Variants in NID2 observed in about 807,000 individuals in gnomAD.
NID2 encodes the protein nidogen 2.
NID2 carries 83 observed loss-of-function variants against 145.4 expected under a neutral mutation model. That is an observed-to-expected ratio of 0.57 (90% CI 0.48 to 0.69). The LOEUF is 0.69. Among genes scored for constraint, NID2 ranks in the 30% least tolerant of loss-of-function variants. The pLI is 0.00. For synonymous variants in NID2, 739 were observed against 701.3 expected (o/e 1.05, Z -0.85); for missense variants, 1,807 against 1,765.7 (o/e 1.02, Z -0.42).
In NID2 at chr14:52,068,778, T is replaced by C; in HGVS notation, c.217A>G (p.Ser73Gly). ...GGGGCTGAACTTACGTAGAGGTTGC[T>C]GAATCGGGCTTCGTAGAAGTGCAGG... The part of the protein sequence containing the change: ...NPLHFYEARF[S>G]NLYVGTNGII... Residue 73 changes from serine (S) to glycine (G), a missense_variant, in exon 1 of 22, where the codon AGC becomes GGC. By Grantham distance (56) the Ser-to-Gly change is moderately conservative. Transcript: ENST00000216286. 1 of 1,604,020 alleles carries C rather than the reference T, an allele frequency of 6.2e-7. No homozygotes were observed. Among genetic ancestry groups the C allele is most frequent in the Non-Finnish European group, 8.5e-7 (1 of 1,179,232 alleles).
intron 12 of NID2, among the ~76,000 whole-genome samples, chr14:52,025,112 A>C (rs1184041491): frequency 1.3e-5 from 2 of 152,198 alleles, no homozygotes; most frequent in Non-Finnish European, 1.5e-5. Flanking sequence ...TTCTCAGTGG[A>C]TTCACATTTC....
At chr14:52,054,374 A>T in intron 3 of NID2, 53 bp from the exon 4 acceptor site, 1 of 1,535,414 alleles carries the variant, frequency 6.5e-7, no homozygotes, top group Non-Finnish European at 8.8e-7. Context: ...GTGTCCATTC[A>T]CCCACCTTCC....
In NID2 at chr14:52,053,694, A is replaced by G. The variant is rs1892752123; in HGVS notation, c.1314T>C (p.Ala438=). The G allele has an allele frequency of 1.2e-6, 2 of 1,614,234 alleles. No individual in the cohort carries two copies. The highest frequency in any genetic ancestry group is 1.7e-6 in the Non-Finnish European group (2 of 1,180,038). The change falls in exon 5 of 22, where the codon GCT becomes GCC. Residue 438 remains alanine (A), a synonymous_variant. Transcript: ENST00000216286. The part of the protein sequence containing the change: ...PVPSEMDVPP[A]HPEEEIVLRS... Reference sequence around the variant, plus strand: ...GAAGAACAATTTCTTCTTCAGGATGAGCTGGGGGAACATCCATTTCCGAAG... The same window carrying G: ...GAAGAACAATTTCTTCTTCAGGATGGGCTGGGGGAACATCCATTTCCGAAG...
At chr14:52,046,022 G>A (rs1331531084) in intron 5 of NID2, among the ~76,000 whole-genome samples, 1 of 152,122 alleles carries the variant, frequency 6.6e-6, no homozygotes, top group Non-Finnish European at 1.5e-5. Flanking sequence ...ATCTGCTATA[G>A]GTCTAAAGAA....
chr14:52,020,339 G>T (rs560638460), intron 12 of NID2, 161 bp from the exon 13 acceptor site: 9 of 1,207,624 alleles, frequency 7.5e-6, no homozygotes, highest in Non-Finnish European at 1.0e-5. Context: ...ACACCTAAAG[G>T]TAAGCTTAAT....
chr14:52,042,151 G>C lies in NID2; in HGVS notation c.1779C>G (p.Leu593=), dbSNP rs374755349. The part of the protein sequence containing the change: ...LTPIGGLFGW[L]FALEKPGSEN... ...CAGAGCCAGGTTTTTCTAAAGCAAA[G>C]AGCCAGCCAAACAGGCCTCCAATTG... Residue 593 remains leucine, a synonymous_variant, in exon 7 of 22, where the codon CTC becomes CTG. Coordinates refer to ENST00000216286, the MANE Select transcript of NID2 (RefSeq NM_007361.4). 5.3e-5 allele frequency: 85 copies of C among 1,611,554 alleles called. No homozygotes were observed. Among genetic ancestry groups the C allele is most frequent in the East Asian group, 1.8e-4 (8 of 44,828 alleles).
intron 18 of NID2, chr14:52,009,517 A>G (rs1312759486): frequency 6.6e-6 from 1 of 152,228 alleles, no homozygotes; most frequent in East Asian, 1.9e-4. Context: ...TTTATTAAAA[A>G]TTCAAGTCCT....
intron 9 of NID2, 57 bp from the exon 10 acceptor site, chr14:52,029,747 CGG>C: frequency 7.3e-6 from 11 of 1,515,332 alleles, no homozygotes; most frequent in Non-Finnish European, 8.2e-6. Context: ...GCAAATGTCA[CGG>C]AGATAGAGGA....
chr14:52,020,397 C>G, intron 12 of NID2: 1 of 566,020 alleles, frequency 1.8e-6, no homozygotes, highest in Non-Finnish European at 2.9e-6. Flanking sequence ...ACACACTAGA[C>G]TAAACGTGTT....
intron 12 of NID2, among the ~76,000 whole-genome samples, chr14:52,024,657 A>G (rs1427139538): frequency 6.6e-6 from 1 of 152,194 alleles, no homozygotes; most frequent in Non-Finnish European, 1.5e-5. Flanking sequence ...GCAATAGATA[A>G]CCAATACACT....
At chr14:52,027,726 C>CTTT (rs59253416) in intron 11 of NID2, among the ~76,000 whole-genome samples, 3 of 136,438 alleles carry the variant, frequency 2.2e-5, no homozygotes, top group South Asian at 4.7e-4. Context: ...CATTTTCTTT[C>CTTT]TTTTTTTTTT....
intron 16 of NID2, among the ~76,000 whole-genome samples, chr14:52,013,119 AC>A (rs936400390): frequency 2.0e-5 from 3 of 152,154 alleles, no homozygotes; most frequent in African/African-American, 7.2e-5. Flanking sequence ...GGATTCATAA[AC>A]CCATGTCATA....
chr14:52,028,538 A>C lies in NID2; in HGVS notation c.2530+184T>G, dbSNP rs902808070. The C allele has an allele frequency of 5.5e-6, 3 of 550,114 alleles. No homozygotes were observed. The African/African-American group carries it at 5.9e-5, about 11-fold the overall frequency. The allele number at this position is 550,114 out of a possible 1,614,324, so 34.1% of individuals were successfully genotyped here. On this transcript the variant is annotated intron_variant, in intron 11 of 21. Transcript: ENST00000216286. ...CGATCCACCTGCCTCAGCCTTCCAAAGCGATGATTACAGGCGTGAGCCACC... is the reference window on the plus strand; with the variant it reads ...CGATCCACCTGCCTCAGCCTTCCAACGCGATGATTACAGGCGTGAGCCACC...
In NID2 at chr14:52,049,433, A is replaced by G. The variant is rs933401356; in HGVS notation, c.1429+4146T>C. On this transcript the variant is annotated intron_variant, in intron 5 of 21. Coordinates refer to ENST00000216286, the MANE Select transcript of NID2 (RefSeq NM_007361.4). The stretch of plus-strand genomic sequence containing the variant: ...CCTTGGCCGGCCTGCCCTTCTTCAC[A>G]GAAGGCCCTGGGCCAGACACAGGGG... Among the ~76,000 whole-genome samples, 78 of 125,286 alleles carry G rather than the reference A, an allele frequency of 6.2e-4. 1 individual carries two copies. The highest frequency in any genetic ancestry group is 5.3e-5 in the Non-Finnish European group (3 of 56,328). The allele number at this position is 125,286 out of a possible 152,430, so 82.2% of individuals were successfully genotyped here.
intron 5 of NID2, among the ~76,000 whole-genome samples, chr14:52,048,035 G>C (rs946989840): frequency 6.6e-6 from 1 of 152,168 alleles, no homozygotes; most frequent in Middle Eastern, 3.2e-3. Context: ...CACACCAATT[G>C]GTGTTGATAG....
chr14:52,042,590 G>A (rs541451027), intron 6 of NID2, among the ~76,000 whole-genome samples, 192 bp downstream of exon 6: 1 of 152,226 alleles, frequency 6.6e-6, no homozygotes, highest in Admixed American at 6.5e-5. Flanking sequence ...AAGCATTTCT[G>A]GATAATCCTC....
At position 52,010,894 on chromosome 14, in the gene NID2, G is replaced by T. The variant is rs764695461; in HGVS notation, c.3704C>A (p.Ala1235Asp). The stretch of plus-strand genomic sequence containing the variant: ...AGCTGACCCTCGGATTGGATCCACA[G>T]CGATGGCACGGGGATTCACCAGATC... ...YTDLVNPRAI[A>D]VDPIRGNLYW... is the part of the protein sequence containing the mutation. Residue 1235 changes from alanine to aspartate, a missense_variant, in exon 18 of 22, where the codon GCT becomes GAT. Transcript: ENST00000216286. 6.2e-6 allele frequency: 10 copies of T among 1,613,240 alleles called. No individual in the cohort carries two copies. The Admixed American group carries it at 1.7e-4, about 27-fold the overall frequency.
intron 20 of NID2, chr14:52,006,269 T>C (rs1890777982): frequency 4.6e-6 from 2 of 431,488 alleles, no homozygotes; most frequent in South Asian, 2.8e-5. Context: ...ATGCTCCCTT[T>C]TGAGACATTA....
chr14:52,026,317 G>A (rs1005067642), intron 12 of NID2, among the ~76,000 whole-genome samples: 2 of 152,206 alleles, frequency 1.3e-5, no homozygotes, highest in Non-Finnish European at 2.9e-5. Flanking sequence ...TGGGCGGATG[G>A]AGGCAGATGC....
Sources: gnomAD v4.1 joint callset for allele counts (sites outside exome capture counted in the v4.1 genomes callset) on GRCh38, gnomAD v4.1.1 for gene constraint, MANE v1.5 for transcripts, NCBI Gene and HGNC (gene_info 2026-07-23, HGNC 2026-07-21) for gene names.